Variants in SWAP70 observed in about 807,000 individuals in gnomAD.
The protein encoded by SWAP70 is switching B cell complex subunit SWAP70.
Under a neutral mutation model 80.2 loss-of-function variants are expected in SWAP70, and 34 were observed. The observed-to-expected ratio is 0.42, with a 90% CI of 0.32 to 0.56. The LOEUF (loss-of-function observed/expected upper bound fraction) is 0.56. SWAP70 is among the 20% of genes least tolerant of loss of function. SWAP70 has a pLI of 0.09. For synonymous variants in SWAP70, 239 were observed against 238.5 expected, an observed-to-expected ratio of 1.00 and a Z score of -0.02; for missense variants, 578 against 690.7, an observed-to-expected ratio of 0.84 and a Z score of 1.83.
chr11:9,664,894 C>T (rs1402411638), intron 1 of SWAP70, among the ~76,000 whole-genome samples: 3 of 152,182 alleles, frequency 2.0e-5, no homozygotes, highest in Non-Finnish European at 4.4e-5. Context: ...AACTAGTGGA[C>T]GGGGTGTACT....
intron 3 of SWAP70, chr11:9,720,424 A>C: frequency 2.0e-6 from 2 of 985,444 alleles, no homozygotes; most frequent in South Asian, 9.4e-5. Context: ...AAACATAACA[A>C]GTCATCTGAT....
At chr11:9,741,002 T>C (rs1203225800) in intron 9 of SWAP70, 1 of 154,768 alleles carries the variant, frequency 6.5e-6, no homozygotes, top group Non-Finnish European at 1.4e-5. Context: ...TGCCAGTTTC[T>C]ACTTTGCTGC....
intron 2 of SWAP70, among the ~76,000 whole-genome samples, chr11:9,705,491 T>C (rs1263959253): frequency 6.9e-6 from 1 of 143,984 alleles, no homozygotes; most frequent in Non-Finnish European, 1.5e-5. Flanking sequence ...TATACACTGG[T>C]GATCTGTATA....
At chr11:9,677,725 CTGT>C (rs1850518535) in intron 1 of SWAP70, among the ~76,000 whole-genome samples, 1 of 152,058 alleles carries the variant, frequency 6.6e-6, no homozygotes. Context: ...CATTTTTATC[CTGT>C]TGTTTTTAGA....
At chr11:9,688,924 C>CTGGT (rs1850663619) in intron 1 of SWAP70, among the ~76,000 whole-genome samples, 1 of 151,308 alleles carries the variant, frequency 6.6e-6, no homozygotes, top group Non-Finnish European at 1.5e-5. Context: ...ATTGGTCATG[C>CTGGT]TGGTCCATTG....
chr11:9,748,565 A>C (rs1015759444), intron 10 of SWAP70, among the ~76,000 whole-genome samples: 1 of 152,242 alleles, frequency 6.6e-6, no homozygotes, highest in South Asian at 2.1e-4. Flanking sequence ...GAGGTGCTAC[A>C]GAAACTCACT....
intron 2 of SWAP70, among the ~76,000 whole-genome samples, chr11:9,702,789 A>G (rs545433373): frequency 6.6e-6 from 1 of 152,242 alleles, no homozygotes; most frequent in Non-Finnish European, 1.5e-5. Context: ...TATTTGTGAA[A>G]CTATAGAGGA....
intron 2 of SWAP70, among the ~76,000 whole-genome samples, chr11:9,711,370 A>T (rs2572934): frequency 0.33 from 49,460 of 151,828 alleles, 8,267 homozygotes; most frequent in Non-Finnish European, 0.35. Context: ...CTGTGTCCCA[A>T]GTAATGGAAA....
chr11:9,673,026 A>G (rs1850439189), intron 1 of SWAP70, among the ~76,000 whole-genome samples: 1 of 152,182 alleles, frequency 6.6e-6, no homozygotes, highest in Non-Finnish European at 1.5e-5. Flanking sequence ...CCCACACACC[A>G]AGTAAGCAAT....
intron 8 of SWAP70, among the ~76,000 whole-genome samples, chr11:9,739,723 C>T (rs28607967): frequency 0.099 from 15,099 of 152,098 alleles, 1,900 homozygotes; most frequent in East Asian, 0.28. Flanking sequence ...TGGGAGGAAT[C>T]CCATGCTGGA....
At chr11:9,692,095 A>G (rs1414341156) in intron 1 of SWAP70, among the ~76,000 whole-genome samples, 2 of 152,014 alleles carry the variant, frequency 1.3e-5, no homozygotes, top group African/African-American at 4.8e-5. Context: ...GTCATGGTAC[A>G]TTGCTGTGGA....
intron 1 of SWAP70, among the ~76,000 whole-genome samples, chr11:9,690,105 C>G (rs1410910492): frequency 6.6e-6 from 1 of 152,264 alleles, no homozygotes; most frequent in Admixed American, 6.5e-5. Flanking sequence ...GCCTCTTCGT[C>G]TGTAAAATAG....
In SWAP70 at chr11:9,702,104, C is replaced by CGGCTGCT. The variant is rs576714734; in HGVS notation, c.240+7818_240+7819insGGCTGCT. Among the ~76,000 whole-genome samples the CGGCTGCT allele has an allele frequency of 2.3e-3, 343 of 152,348 alleles. 2 individuals are homozygous for CGGCTGCT. Among genetic ancestry groups the CGGCTGCT allele is most frequent in the African/African-American group, 8.0e-3 (333 of 41,584 alleles). The stretch of plus-strand genomic sequence containing the variant: ...AGTATGTCTCTCCTCCAGAGCCTAG[C>CGGCTGCT]AGCCTCTGCATTCTGTTTTTCTAGT... On this transcript the variant is annotated intron_variant, in intron 2 of 11. Coordinates refer to ENST00000318950, the MANE Select transcript of SWAP70 (RefSeq NM_015055.4).
At chr11:9,736,825 C>T (rs1232242326) in intron 7 of SWAP70, among the ~76,000 whole-genome samples, 2 of 152,142 alleles carry the variant, frequency 1.3e-5, no homozygotes, top group African/African-American at 4.8e-5. Context: ...TAAATTCAGG[C>T]CTACATGTAG....
chr11:9,752,443 G>A lies in SWAP70; in HGVS notation c.*2473G>A, dbSNP rs1047628609. ...TTTCTGTTTAATGCATAGTGTTACC[G>A]ATTTACATCTTGGTTTTCAGTGGCA... On this transcript the variant is annotated 3_prime_UTR_variant, in exon 12 of 12. Coordinates refer to ENST00000318950, the MANE Select transcript of SWAP70 (RefSeq NM_015055.4). 1.3e-5 allele frequency: 2 copies of A among 152,210 alleles called. No individual in the cohort carries two copies. The highest frequency in any genetic ancestry group is 4.8e-5 in the African/African-American group (2 of 41,448). 9.4% of individuals were successfully genotyped at this position (152,210 alleles called of 1,614,324 possible). A position where few individuals can be genotyped will look rare whatever the true frequency, so the allele number is the denominator to read the frequency against.
At chr11:9,676,425 G>C (rs1428572654) in intron 1 of SWAP70, among the ~76,000 whole-genome samples, 3 of 152,054 alleles carry the variant, frequency 2.0e-5, no homozygotes, top group African/African-American at 7.2e-5. Flanking sequence ...ATTGGTTCCA[G>C]GACTCCCTGC....
At chr11:9,734,150 T>C (rs1851334870) in intron 7 of SWAP70, among the ~76,000 whole-genome samples, 1 of 152,228 alleles carries the variant, frequency 6.6e-6, no homozygotes, top group Non-Finnish European at 1.5e-5. Context: ...ATGTCAGAGC[T>C]CAAAAAGTTT....
At chr11:9,695,121 T>G (rs1181161874) in intron 2 of SWAP70, among the ~76,000 whole-genome samples, 3 of 152,080 alleles carry the variant, frequency 2.0e-5, no homozygotes, top group Admixed American at 2.0e-4. Context: ...AAACCCCATC[T>G]CTATTAAAAA....
At chr11:9,745,670 A>G (rs1851502504) in intron 9 of SWAP70, among the ~76,000 whole-genome samples, 1 of 152,232 alleles carries the variant, frequency 6.6e-6, no homozygotes. Context: ...TGTGGTAGGC[A>G]TGTAAACACC....
Sources: allele counts gnomAD v4.1 joint callset (sites outside exome capture counted in the v4.1 genomes callset), GRCh38; gene constraint gnomAD v4.1.1; transcripts MANE v1.5; gene names NCBI Gene and HGNC (gene_info 2026-07-23, HGNC 2026-07-21).